The following TBC1D8B variants were observed in gnomAD, a reference collection of about 807,000 sequenced individuals.
The protein encoded by TBC1D8B is TBC1 domain family member 8B.
Under a neutral mutation model 82.9 loss-of-function variants are expected in TBC1D8B, and 75 were observed. The observed-to-expected ratio is 0.90, with a 90% CI of 0.75 to 1.10. The LOEUF is 1.10. Ranked by LOEUF, TBC1D8B falls within the 50% of genes least tolerant of loss-of-function variation. The pLI, the probability that TBC1D8B is intolerant of heterozygous loss-of-function variation, is 0.00. For missense variants in TBC1D8B, 794 were observed against 796.9 expected, an observed-to-expected ratio of 1.00 and a Z score of 0.04; for synonymous variants, 276 against 276.8, an observed-to-expected ratio of 1.00 and a Z score of 0.03.
intron 1 of TBC1D8B, chrX:106,815,641 A>G (rs1169545859): frequency 6.4e-5 from 7 of 109,983 alleles, no homozygotes; most frequent in Non-Finnish European, 1.3e-4. Flanking sequence ...CTTGGGCAGT[A>G]TGGCCATTTT....
At chrX:106,830,837 C>G (rs1478016349) in intron 7 of TBC1D8B, among the ~76,000 whole-genome samples, 1 of 106,402 alleles carries the variant, frequency 9.4e-6, no homozygotes, top group Non-Finnish European at 1.9e-5. Flanking sequence ...GGAGATATAC[C>G]TAATGCTAGA....
intron 1 of TBC1D8B, among the ~76,000 whole-genome samples, chrX:106,816,541 C>T (rs967904992): frequency 9.0e-6 from 1 of 110,952 alleles, no homozygotes; most frequent in African/African-American, 3.3e-5. Flanking sequence ...CCCTCATCCT[C>T]ATTCCCATTG....
chrX:106,805,089 T>G (rs1406423339), intron 1 of TBC1D8B, among the ~76,000 whole-genome samples: 13 of 87,755 alleles, frequency 1.5e-4, no homozygotes, highest in African/African-American at 5.6e-4. Flanking sequence ...TTTTTTTTTT[T>G]TTTTTGTTTG....
chrX:106,805,822 A>C (rs1410974998), intron 1 of TBC1D8B, among the ~76,000 whole-genome samples: 1 of 112,475 alleles, frequency 8.9e-6, no homozygotes, highest in African/African-American at 3.2e-5. Context: ...ACAAATCCAC[A>C]TTTGGATTAG....
chrX:106,840,409 T>C (rs1326043206), intron 9 of TBC1D8B, among the ~76,000 whole-genome samples: 1 of 111,377 alleles, frequency 9.0e-6, no homozygotes, highest in Non-Finnish European at 1.9e-5. Context: ...ATTAGTTTAT[T>C]AGGCAAGATA....
chrX:106,808,257 T>A (rs941834802), intron 1 of TBC1D8B, among the ~76,000 whole-genome samples: 2 of 111,475 alleles, frequency 1.8e-5, no homozygotes, highest in African/African-American at 6.5e-5. Flanking sequence ...ATCTGTAAAA[T>A]GGGGATAAAA....
At chrX:106,825,797 T>C (rs1223868465) in intron 5 of TBC1D8B, among the ~76,000 whole-genome samples, 1 of 111,261 alleles carries the variant, frequency 9.0e-6, no homozygotes, top group Admixed American at 9.6e-5. Context: ...CTCTAACTTT[T>C]GTGCATTTTA....
intron 3 of TBC1D8B, 60 bp from the exon 4 acceptor site, chrX:106,821,917 T>C: frequency 1.1e-6 from 1 of 950,660 alleles, no homozygotes; most frequent in Non-Finnish European, 1.5e-6. Flanking sequence ...TGTTTGAATG[T>C]ATGAAATATA....
chrX:106,813,243 C>T (rs1362487867), intron 1 of TBC1D8B, among the ~76,000 whole-genome samples: 1 of 111,733 alleles, frequency 8.9e-6, no homozygotes, highest in Admixed American at 9.5e-5. Context: ...TTAAAATACT[C>T]CAGGAGGGAG....
intron 12 of TBC1D8B, among the ~76,000 whole-genome samples, chrX:106,851,757 T>C (rs1411776242): frequency 8.9e-6 from 1 of 112,326 alleles, no homozygotes; most frequent in Non-Finnish European, 1.9e-5. Context: ...TCATTTTTTA[T>C]GGCTGCATAG....
intron 14 of TBC1D8B, among the ~76,000 whole-genome samples, chrX:106,859,139 G>A (rs1057036500): frequency 4.5e-5 from 5 of 112,016 alleles, no homozygotes; most frequent in Admixed American, 3.8e-4. Flanking sequence ...GGTGAATAAC[G>A]TGATACCTCT....
At chrX:106,829,944 G>A (rs1931988309) in intron 7 of TBC1D8B, 1 of 111,307 alleles carries the variant, frequency 9.0e-6, no homozygotes, top group East Asian at 2.8e-4. Context: ...ATTGACAAAT[G>A]GGATCTAATT....
chrX:106,875,384 A>T lies in TBC1D8B; in HGVS notation c.*1419A>T, dbSNP rs1045992423. 1 of 111,928 alleles carries T rather than the reference A, an allele frequency of 8.9e-6. No individual in the cohort carries two copies. The highest frequency in any genetic ancestry group is 9.5e-5 in the Admixed American group (1 of 10,521). The allele number at this position is 111,928 out of a possible 1,213,427, so 9.2% of individuals were successfully genotyped here. A position where few individuals can be genotyped will look rare whatever the true frequency, so the allele number is the denominator to read the frequency against. On this transcript the variant is annotated 3_prime_UTR_variant, in exon 21 of 21. Transcript: ENST00000357242. Reference sequence around the variant, plus strand: ...ATCCACTGTGAACAAAGCTTAACACATGGGGCTTCATCGCTCATAGAATAT... The same window carrying T: ...ATCCACTGTGAACAAAGCTTAACACTTGGGGCTTCATCGCTCATAGAATAT...
In TBC1D8B at chrX:106,821,343, G is replaced by A. The variant is rs932199988; in HGVS notation, c.360+348G>A. Among the ~76,000 whole-genome samples the A allele has an allele frequency of 5.0e-4, 55 of 110,063 alleles. 1 individual carries two copies. The highest frequency in any genetic ancestry group is 8.8e-4 in the Admixed American group (9 of 10,268). Reference sequence around the variant, plus strand: ...TTGGTGCCCTTGTGAATGCTTTTAGGGGCATTTTTGTTTCAATATCTCTTG... The same window carrying A: ...TTGGTGCCCTTGTGAATGCTTTTAGAGGCATTTTTGTTTCAATATCTCTTG... On this transcript the variant is annotated intron_variant, in intron 3 of 20. Transcript: ENST00000357242.
At position 106,820,920 on chromosome X, in the gene TBC1D8B, A is replaced by T; in HGVS notation, c.285A>T (p.Glu95Asp). The change falls in exon 3 of 21, where the codon GAA (glutamate) becomes GAT (aspartate). Residue 95 changes from glutamate to aspartate, a missense_variant. Transcript: ENST00000357242. ...EEITKHWDWL[E>D]QNIMKTLSVF... Reference sequence around the variant, plus strand: ...TAACCAAGCATTGGGATTGGTTGGAACAAAATATTATGAAGACCTTATCTG... The same window carrying T: ...TAACCAAGCATTGGGATTGGTTGGATCAAAATATTATGAAGACCTTATCTG... 1 of 1,191,442 alleles carries T rather than the reference A, an allele frequency of 8.4e-7. No homozygotes were observed. Among genetic ancestry groups the T allele is most frequent in the Non-Finnish European group, 1.1e-6 (1 of 885,904 alleles).
In TBC1D8B at chrX:106,874,579, G is replaced by T. The variant is rs1386416167; in HGVS notation, c.*614G>T. 9.0e-6 allele frequency: 1 copy of T among 111,388 alleles called. No homozygotes were observed. Among genetic ancestry groups the T allele is most frequent in the Non-Finnish European group, 1.9e-5 (1 of 53,114 alleles). The allele number at this position is 111,388 out of a possible 1,213,427, so 9.2% of individuals were successfully genotyped here. Reference sequence around the variant, plus strand: ...CTTCTACAGTCTTCCTACCTGAGGGGTTCAGAGGCTGCTGACTCACACTGC... The same window carrying T: ...CTTCTACAGTCTTCCTACCTGAGGGTTTCAGAGGCTGCTGACTCACACTGC... On this transcript the variant is annotated 3_prime_UTR_variant, in exon 21 of 21. Transcript: ENST00000357242.
intron 19 of TBC1D8B, among the ~76,000 whole-genome samples, chrX:106,870,405 G>A (rs944024302): frequency 1.8e-5 from 2 of 111,939 alleles, no homozygotes; most frequent in African/African-American, 6.5e-5. Context: ...ACATGAGAAT[G>A]ACTACATAAA....
At chrX:106,859,842 C>G (rs1932757517) in intron 14 of TBC1D8B, among the ~76,000 whole-genome samples, 1 of 111,738 alleles carries the variant, frequency 8.9e-6, no homozygotes. Context: ...TCATAAATGG[C>G]TCTTATTATT....
rs748864682 is a variant in TBC1D8B at position 106,866,853 on chromosome X, A to G, written c.2719A>G (p.Ile907Val). 9 of 1,180,269 alleles carry G rather than the reference A, an allele frequency of 7.6e-6. No individual in the cohort carries two copies. The Admixed American group carries it at 1.6e-4, about 21-fold the overall frequency. ...EKLKLLFKLHIPPAYTEVKSK... is the reference protein window; with the variant it reads ...EKLKLLFKLHVPPAYTEVKSK... The stretch of plus-strand genomic sequence containing the variant: ...GCTTAAGCTGCTTTTTAAGCTACAT[A>G]TTCCTCCAGGTAAGAGTTTACCAGT... Residue 907 changes from isoleucine to valine, a missense_variant, in exon 17 of 21, where the codon ATT (isoleucine) becomes GTT (valine). Physicochemically the swap from Ile to Val is conservative, Grantham distance 29 (BLOSUM62 3). Transcript: ENST00000357242.
Sources: allele counts gnomAD v4.1 joint callset (sites outside exome capture counted in the v4.1 genomes callset), GRCh38; gene constraint gnomAD v4.1.1; transcripts MANE v1.5; gene names NCBI Gene and HGNC (gene_info 2026-07-23, HGNC 2026-07-21).